ASTN1: variants seen among roughly 807,000 people sequenced by gnomAD.
ASTN1 encodes the protein astrotactin 1, also known as astrotactin-1.
In ASTN1, 41 loss-of-function variants were observed where a neutral mutation model predicts 140.7. The observed-to-expected ratio is 0.29, with a 90% CI of 0.23 to 0.38. The LOEUF is 0.38. Among genes scored for constraint, ASTN1 ranks in the 10% least tolerant of loss-of-function variants. ASTN1 has a pLI of 1.00. For missense variants in ASTN1, 1,479 were observed against 1,678.8 expected, an observed-to-expected ratio of 0.88 and a Z score of 2.08; for synonymous variants, 640 against 652.2, an observed-to-expected ratio of 0.98 and a Z score of 0.29.
intron 1 of ASTN1, among the ~76,000 whole-genome samples, chr1:177,124,904 G>A (rs770371646): frequency 4.6e-5 from 7 of 152,198 alleles, no homozygotes; most frequent in Non-Finnish European, 8.8e-5. Context: ...AAGTCTGCTT[G>A]TGTGGTAGTC....
intron 4 of ASTN1, 38 bp from the exon 5 acceptor site, chr1:177,029,779 G>GTTCTGGT (rs769120395): frequency 8.0e-5 from 126 of 1,566,864 alleles, no homozygotes; most frequent in Admixed American, 1.3e-4. Flanking sequence ...AGCGTTTTCA[G>GTTCTGGT]TTCTGGTTTC....
chr1:177,148,367 G>A (rs1003952056), intron 1 of ASTN1, among the ~76,000 whole-genome samples: 5 of 150,250 alleles, frequency 3.3e-5, no homozygotes, highest in African/African-American at 4.9e-5. Flanking sequence ...GCAGTGAGCC[G>A]AGATCACGCC....
intron 1 of ASTN1, among the ~76,000 whole-genome samples, chr1:177,088,605 C>T (rs1679588247): frequency 6.6e-6 from 1 of 152,034 alleles, no homozygotes; most frequent in Admixed American, 6.6e-5. Context: ...TTGAAAAATC[C>T]TACCCTCTTT....
intron 16 of ASTN1, among the ~76,000 whole-genome samples, chr1:176,928,056 T>C (rs1166876331): frequency 6.6e-6 from 1 of 150,812 alleles, no homozygotes; most frequent in African/African-American, 2.4e-5. Flanking sequence ...CACAAACTCA[T>C]ATACATATAT....
intron 1 of ASTN1, among the ~76,000 whole-genome samples, chr1:177,112,964 A>G (rs1247774866): frequency 1.3e-5 from 2 of 152,158 alleles, no homozygotes; most frequent in Non-Finnish European, 2.9e-5. Context: ...ATCTTTGTAG[A>G]GCTAACTTTA....
At chr1:177,080,953 G>T (rs1300800673) in intron 1 of ASTN1, among the ~76,000 whole-genome samples, 1 of 152,156 alleles carries the variant, frequency 6.6e-6, no homozygotes, top group Non-Finnish European at 1.5e-5. Flanking sequence ...CTCAATACAT[G>T]TGTGCACCCT....
chr1:177,117,950 A>G (rs1681180307), intron 1 of ASTN1, among the ~76,000 whole-genome samples: 2 of 152,202 alleles, frequency 1.3e-5, no homozygotes, highest in South Asian at 4.1e-4. Context: ...TATTTATCCT[A>G]TCAATCATTT....
Position 176,864,389 on chromosome 1 carries a change from G to A in ASTN1, c.3780C>T (p.Pro1260=), listed in dbSNP as rs1668063835. The A allele has an allele frequency of 1.9e-6, 3 of 1,614,074 alleles. No homozygotes were observed. The highest frequency in any genetic ancestry group is 2.5e-6 in the Non-Finnish European group (3 of 1,180,002). ...YLGCRYSEIK[P]YGLDWAELSR... Reference sequence around the variant, plus strand: ...TGAGCTCCGCCCAGTCAAGTCCGTAGGGTTTGATCTCGCTGTAGCGGCACC... The same window carrying A: ...TGAGCTCCGCCCAGTCAAGTCCGTAAGGTTTGATCTCGCTGTAGCGGCACC... Residue 1260 remains proline, a synonymous_variant, in exon 23 of 23, where the codon CCC becomes CCT. Transcript: ENST00000361833.
intron 9 of ASTN1, among the ~76,000 whole-genome samples, chr1:176,960,038 C>T (rs1279919798): frequency 6.6e-6 from 1 of 152,072 alleles, no homozygotes; most frequent in Non-Finnish European, 1.5e-5. Flanking sequence ...CACACACATA[C>T]ACACACACAC....
chr1:177,058,917 C>T (rs537505572), intron 2 of ASTN1, among the ~76,000 whole-genome samples: 1 of 152,164 alleles, frequency 6.6e-6, no homozygotes, highest in South Asian at 2.1e-4. Flanking sequence ...GCTTCCTACA[C>T]TGAAGATACA....
At chr1:177,088,451 C>T (rs753874649) in intron 1 of ASTN1, among the ~76,000 whole-genome samples, 6 of 152,144 alleles carry the variant, frequency 3.9e-5, no homozygotes, top group Non-Finnish European at 5.9e-5. Context: ...ATAGCCCTGA[C>T]ATTCACCATG....
Position 176,861,256 on chromosome 1 carries a change from G to A in ASTN1, c.*3028C>T, listed in dbSNP as rs985586963. On this transcript the variant is annotated 3_prime_UTR_variant, in exon 23 of 23. Transcript: ENST00000361833. The stretch of plus-strand genomic sequence containing the variant: ...ATAGAACATTTGAATATCAAGAAGT[G>A]TAGTTAACTAAAAAATAATGAACGG... The A allele has an allele frequency of 1.7e-5, 17 of 983,502 alleles. No individual in the cohort carries two copies. The highest frequency in any genetic ancestry group is 1.4e-4 in the African/African-American group (8 of 57,146). 60.9% of individuals were successfully genotyped at this position (983,502 alleles called of 1,614,324 possible). A position where few individuals can be genotyped will look rare whatever the true frequency, so the allele number is the denominator to read the frequency against.
intron 11 of ASTN1, among the ~76,000 whole-genome samples, chr1:176,956,799 C>A (rs1444017102): frequency 6.6e-6 from 1 of 152,202 alleles, no homozygotes; most frequent in East Asian, 1.9e-4. Flanking sequence ...TTCATCTGCT[C>A]CTGCCTCCAT....
At chr1:176,865,674 G>T (rs1197329847) in intron 22 of ASTN1, among the ~76,000 whole-genome samples, 2 of 152,158 alleles carry the variant, frequency 1.3e-5, no homozygotes, top group Admixed American at 6.5e-5. Flanking sequence ...TCTAACTCAT[G>T]GGCAGAACCA....
chr1:176,942,866 A>ATATATATATATATATAT (rs1385017638), intron 14 of ASTN1, among the ~76,000 whole-genome samples: 18 of 69,976 alleles, frequency 2.6e-4, no homozygotes, highest in Non-Finnish European at 4.3e-4. Context: ...ATATATATAT[A>ATATATATATATATATAT]GATTGATGTC....
intron 1 of ASTN1, among the ~76,000 whole-genome samples, chr1:177,139,044 TGA>T (rs1682335202): frequency 2.0e-5 from 3 of 152,286 alleles, no homozygotes; most frequent in Admixed American, 2.0e-4. Flanking sequence ...TTTCCTGGTG[TGA>T]GTTAACAACA....
chr1:176,994,948 A>C (rs530138111), intron 8 of ASTN1, among the ~76,000 whole-genome samples: 1 of 152,208 alleles, frequency 6.6e-6, no homozygotes, highest in East Asian at 1.9e-4. Flanking sequence ...TAAATGATGG[A>C]TGTATTCTAC....
chr1:177,099,162 A>G (rs1337850800), intron 1 of ASTN1, among the ~76,000 whole-genome samples: 2 of 152,224 alleles, frequency 1.3e-5, no homozygotes, highest in African/African-American at 4.8e-5. Flanking sequence ...TTAAAAATTA[A>G]GGACAAAGTA....
chr1:176,899,393 C>T (rs1360994372), intron 16 of ASTN1, among the ~76,000 whole-genome samples: 4 of 152,140 alleles, frequency 2.6e-5, no homozygotes, highest in Non-Finnish European at 4.4e-5. Context: ...AACTGACAGG[C>T]CATGAGGTGA....
Sources: allele counts gnomAD v4.1 joint callset (sites outside exome capture counted in the v4.1 genomes callset), GRCh38; gene constraint gnomAD v4.1.1; transcripts MANE v1.5; gene names NCBI Gene and HGNC (gene_info 2026-07-23, HGNC 2026-07-21).